The following ITGA1 variants were observed in gnomAD, a reference collection of about 807,000 sequenced individuals.
ITGA1 encodes integrin alpha-1.
ITGA1 carries 85 observed loss-of-function variants against 145.9 expected under a neutral mutation model. The ratio of observed to expected loss-of-function variants is 0.58; its 90% CI spans 0.49 to 0.70. The LOEUF is 0.70. Ranked by LOEUF, ITGA1 falls within the 30% of genes least tolerant of loss-of-function variation. ITGA1 has a pLI of 0.00. For missense variants in ITGA1, 1,351 were observed against 1,418.7 expected (o/e 0.95, Z 0.77); for synonymous variants, 520 against 495.3 (o/e 1.05, Z -0.66).
intron 20 of ITGA1, among the ~76,000 whole-genome samples, chr5:52,928,448 G>C (rs1301644593): frequency 6.6e-6 from 1 of 152,174 alleles, no homozygotes; most frequent in Non-Finnish European, 1.5e-5. Context: ...GTAGCATGGA[G>C]TTCACTCGTT....
rs147167159 is a variant in ITGA1 at position 52,929,454 on chromosome 5, T to C, written c.2695-171T>C. 4.9e-3 allele frequency among the ~76,000 whole-genome samples: 750 copies of C among 152,284 alleles called. 3 individuals are homozygous for C. Among genetic ancestry groups the C allele is most frequent in the South Asian group, 9.3e-3 (45 of 4,824 alleles). On this transcript the variant is annotated intron_variant, in intron 20 of 28. Coordinates refer to ENST00000282588, the MANE Select transcript of ITGA1 (RefSeq NM_181501.2). The stretch of plus-strand genomic sequence containing the variant: ...CATTCACATTGAAAAAGAATATGTA[T>C]ATTATATGTTATTCTATCTATTTTG...
chr5:52,798,247 C>T (rs773986704), intron 1 of ITGA1, among the ~76,000 whole-genome samples: 1 of 152,028 alleles, frequency 6.6e-6, no homozygotes, highest in Admixed American at 6.5e-5. Flanking sequence ...CTTGAGGGTA[C>T]TCAGTATGAT....
At chr5:52,818,316 C>G (rs958744705) in intron 1 of ITGA1, among the ~76,000 whole-genome samples, 9 of 152,056 alleles carry the variant, frequency 5.9e-5, no homozygotes, top group Non-Finnish European at 8.8e-5. Context: ...GCCACTATTA[C>G]TTTTTGGAGT....
chr5:52,855,652 G>A (rs1749501553), intron 2 of ITGA1, among the ~76,000 whole-genome samples: 1 of 152,146 alleles, frequency 6.6e-6, no homozygotes, highest in Non-Finnish European at 1.5e-5. Context: ...GATCAGTGTT[G>A]TGAGAAAAAA....
intron 23 of ITGA1, among the ~76,000 whole-genome samples, chr5:52,935,635 T>C (rs950361108): frequency 1.3e-5 from 2 of 152,158 alleles, no homozygotes; most frequent in African/African-American, 2.4e-5. Context: ...ATAATGCATA[T>C]AAGAAGATTA....
rs1748163562 is a variant in ITGA1 at position 52,788,278 on chromosome 5, C to T, written c.-76C>T. The T allele has an allele frequency of 8.4e-7, 1 of 1,195,996 alleles. No homozygotes were observed. Among genetic ancestry groups the T allele is most frequent in the Non-Finnish European group, 1.1e-6 (1 of 903,664 alleles). 74.1% of individuals were successfully genotyped at this position (1,195,996 alleles called of 1,614,324 possible). On this transcript the variant is annotated 5_prime_UTR_variant, in exon 1 of 29. Coordinates refer to ENST00000282588, the MANE Select transcript of ITGA1 (RefSeq NM_181501.2). Reference sequence around the variant, plus strand: ...CGCGGCAGCGGGATAAGTGGCCCAGCCAGAGAGCGCAGCTCCCGCGCCCGG... The same window carrying T: ...CGCGGCAGCGGGATAAGTGGCCCAGTCAGAGAGCGCAGCTCCCGCGCCCGG...
chr5:52,843,079 A>T (rs1007355206), intron 1 of ITGA1, among the ~76,000 whole-genome samples: 4 of 152,136 alleles, frequency 2.6e-5, no homozygotes, highest in Admixed American at 2.6e-4. Context: ...GGAGTAGTGG[A>T]ATATATGAAT....
At position 52,946,695 on chromosome 5, in the gene ITGA1, G is replaced by A. The variant is rs1751140103; in HGVS notation, c.3379-650G>A. On this transcript the variant is annotated intron_variant, in intron 27 of 28. Coordinates refer to ENST00000282588, the MANE Select transcript of ITGA1 (RefSeq NM_181501.2). ...TTGAGGTTTGAGTGCCACCCTGAGA[G>A]AGCTTGAGTAGCTGGAACACTAAAA... is the stretch of plus-strand genomic sequence containing the variant. Among the ~76,000 whole-genome samples, 2 of 152,242 alleles carry A rather than the reference G, an allele frequency of 1.3e-5. 1 individual carries two copies. The highest frequency in any genetic ancestry group is 4.1e-4 in the South Asian group (2 of 4,820).
At chr5:52,839,943 T>C (rs990784334) in intron 1 of ITGA1, among the ~76,000 whole-genome samples, 1 of 152,172 alleles carries the variant, frequency 6.6e-6, no homozygotes, top group Non-Finnish European at 1.5e-5. Context: ...CACATCCAAG[T>C]CATCCAGAAA....
intron 19 of ITGA1, among the ~76,000 whole-genome samples, chr5:52,926,232 TA>T (rs1750804442): frequency 6.6e-6 from 1 of 152,214 alleles, no homozygotes; most frequent in Admixed American, 6.5e-5. Flanking sequence ...TCTGTTAGGA[TA>T]TCACTTAGAG....
chr5:52,898,454 A>G (rs1750265491), intron 11 of ITGA1, 71 bp downstream of exon 11: 2 of 1,315,798 alleles, frequency 1.5e-6, no homozygotes, highest in South Asian at 1.5e-5. Context: ...TTATTTGCTT[A>G]TGTTTCTATA....
rs564753040 is a variant in ITGA1 at position 52,898,285 on chromosome 5, C to T, written c.1211C>T (p.Thr404Ile). ...GTAGGAGCCTATGATTGGAATGGAA[C>T]AGTTGTCATGCAGAAGGCTAGTCAA... ...GAVGAYDWNG[T>I]VVMQKASQII... Residue 404 changes from threonine to isoleucine, a missense_variant, in exon 11 of 29, where the codon ACA becomes ATA. Transcript: ENST00000282588. 1 of 1,611,556 alleles carries T rather than the reference C, an allele frequency of 6.2e-7. No individual in the cohort carries two copies. Among genetic ancestry groups the T allele is most frequent in the East Asian group, 2.2e-5 (1 of 44,826 alleles).
chr5:52,929,395 A>C (rs530909966), intron 20 of ITGA1, among the ~76,000 whole-genome samples: 1 of 152,232 alleles, frequency 6.6e-6, no homozygotes, highest in Non-Finnish European at 1.5e-5. Context: ...GAGGGGAAAC[A>C]TTCACATTAT....
At chr5:52,822,425 C>CAGGG (rs1748893677) in intron 1 of ITGA1, among the ~76,000 whole-genome samples, 2 of 152,206 alleles carry the variant, frequency 1.3e-5, no homozygotes, top group African/African-American at 2.4e-5. Context: ...TTCTTCCTCC[C>CAGGG]ACTGATTCAG....
intron 1 of ITGA1, among the ~76,000 whole-genome samples, chr5:52,847,059 G>A (rs72756565): frequency 0.017 from 2,641 of 152,196 alleles, 42 homozygotes; most frequent in Middle Eastern, 0.058. Context: ...GAGAGTCATT[G>A]TTTTTAGGAA....
At chr5:52,820,522 TA>T (rs55942732) in intron 1 of ITGA1, among the ~76,000 whole-genome samples, 11 of 146,528 alleles carry the variant, frequency 7.5e-5, no homozygotes, top group East Asian at 4.0e-4. Context: ...TAAAGTATAA[TA>T]AAAAAAAAAA....
intron 1 of ITGA1, among the ~76,000 whole-genome samples, chr5:52,799,426 T>A (rs1748408223): frequency 6.6e-6 from 1 of 152,188 alleles, no homozygotes; most frequent in African/African-American, 2.4e-5. Flanking sequence ...CACAGGCTAC[T>A]GGGCTGCGGA....
intron 1 of ITGA1, among the ~76,000 whole-genome samples, chr5:52,822,959 A>T (rs1407485909): frequency 6.6e-6 from 1 of 152,118 alleles, no homozygotes; most frequent in African/African-American, 2.4e-5. Flanking sequence ...GTCTCATTAG[A>T]TGGTCGAATA....
intron 1 of ITGA1, among the ~76,000 whole-genome samples, chr5:52,848,169 A>C (rs1749367841): frequency 1.3e-5 from 2 of 152,252 alleles, no homozygotes; most frequent in Non-Finnish European, 2.9e-5. Context: ...GAATTAGTAT[A>C]AATTTCCATC....
Sources: gnomAD v4.1 joint callset for allele counts (sites outside exome capture counted in the v4.1 genomes callset) on GRCh38, gnomAD v4.1.1 for gene constraint, MANE v1.5 for transcripts, NCBI Gene and HGNC (gene_info 2026-07-23, HGNC 2026-07-21) for gene names.